Variants in NRG3 observed in about 807,000 individuals in gnomAD.
NRG3 encodes pro-neuregulin-3, membrane-bound isoform.
In NRG3, 31 loss-of-function variants were observed where a neutral mutation model predicts 66.9. The ratio of observed to expected loss-of-function variants is 0.46; its 90% CI spans 0.35 to 0.63. NRG3 has a LOEUF of 0.63. Ranked by LOEUF, NRG3 falls within the 20% of genes least tolerant of loss-of-function variation. The pLI is 0.00. For missense variants in NRG3, 910 were observed against 878.9 expected, an observed-to-expected ratio of 1.04 and a Z score of -0.45; for synonymous variants, 393 against 359.4, an observed-to-expected ratio of 1.09 and a Z score of -1.06.
intron 1 of NRG3, among the ~76,000 whole-genome samples, chr10:82,210,224 C>T (rs1430281421): frequency 2.0e-5 from 3 of 152,206 alleles, no homozygotes; most frequent in Non-Finnish European, 4.4e-5. Flanking sequence ...TTTATGTAGA[C>T]ATTTGAGGCT....
chr10:82,416,694 C>T lies in NRG3; in HGVS notation c.953+57826C>T, dbSNP rs191845769. Among the ~76,000 whole-genome samples the T allele has an allele frequency of 1.9e-3, 296 of 152,172 alleles. 1 individual carries two copies. Among genetic ancestry groups the T allele is most frequent in the Non-Finnish European group, 2.0e-3 (137 of 68,002 alleles). Reference sequence around the variant, plus strand: ...ATATAGCAATACCTCTTATATTCTGCCCCCACCCACCCTGACCATCTCAGT... The same window carrying T: ...ATATAGCAATACCTCTTATATTCTGTCCCCACCCACCCTGACCATCTCAGT... On this transcript the variant is annotated intron_variant, in intron 2 of 8. Coordinates refer to ENST00000372141, the MANE Select transcript of NRG3 (RefSeq NM_001010848.4).
chr10:82,321,301 T>TCGGG (rs1554884193), intron 1 of NRG3, among the ~76,000 whole-genome samples: 1 of 137,950 alleles, frequency 7.2e-6, no homozygotes, highest in African/African-American at 2.9e-5. Flanking sequence ...GTGGCAGGGG[T>TCGGG]GGGGGTGGGG....
intron 2 of NRG3, among the ~76,000 whole-genome samples, chr10:82,639,028 A>G (rs1024209939): frequency 6.6e-6 from 1 of 151,608 alleles, no homozygotes; most frequent in Admixed American, 6.6e-5. Flanking sequence ...ATCCCCTTCA[A>G]CTCTGTCGTT....
intron 2 of NRG3, among the ~76,000 whole-genome samples, chr10:82,685,942 A>G (rs560928118): frequency 1.3e-5 from 2 of 152,276 alleles, no homozygotes; most frequent in South Asian, 4.1e-4. Context: ...AATAACACAC[A>G]TGGAGCTGTC....
intron 1 of NRG3, among the ~76,000 whole-genome samples, chr10:82,199,412 C>A (rs552736775): frequency 1.3e-5 from 2 of 152,160 alleles, no homozygotes; most frequent in Admixed American, 1.3e-4. Context: ...CAAACATGTT[C>A]TGGGAGCTGA....
rs1173107648 is a variant in NRG3 at position 81,875,539 on chromosome 10, C to T, written c.199C>T (p.Leu67=). The T allele has an allele frequency of 3.7e-6, 6 of 1,612,662 alleles. No homozygotes were observed. Among genetic ancestry groups the T allele is most frequent in the Non-Finnish European group, 4.2e-6 (5 of 1,179,784 alleles). ...CIVWNRQQTW[L]CVVPLFIGFI... is the part of the protein sequence containing the mutation. ...CGTGTGGAACCGGCAGCAGACGTGG[C>T]TGTGCGTGGTACCTCTGTTCATCGG... is the stretch of plus-strand genomic sequence containing the variant. The change falls in exon 1 of 9, where the codon CTG becomes TTG. Residue 67 remains leucine (L), a synonymous_variant. Transcript: ENST00000372141. The surrounding 1 kb of genome is among the most constrained non-coding windows in gnomAD (Gnocchi z 5.3).
chr10:82,808,287 A>G (rs2135484709), intron 3 of NRG3, among the ~76,000 whole-genome samples: 1 of 152,124 alleles, frequency 6.6e-6, no homozygotes, highest in East Asian at 1.9e-4. Flanking sequence ...TTATAAATAC[A>G]GTTTCTACTT....
intron 2 of NRG3, among the ~76,000 whole-genome samples, chr10:82,509,796 A>G (rs1055637545): frequency 3.9e-5 from 6 of 152,126 alleles, no homozygotes; most frequent in Non-Finnish European, 5.9e-5. Flanking sequence ...AAAGTGTTCA[A>G]CCTGACCTAT....
intron 2 of NRG3, among the ~76,000 whole-genome samples, chr10:82,390,221 CTCT>C (rs1334000711): frequency 6.6e-6 from 1 of 152,104 alleles, no homozygotes; most frequent in African/African-American, 2.4e-5. Flanking sequence ...AAAAGGCCAT[CTCT>C]GAAATTTTTG....
In NRG3 at chr10:82,442,272, C is replaced by A. The variant is rs76115703; in HGVS notation, c.953+83404C>A. ...ACACGTGAAACAAGATTCCTAGTCC[C>A]AGCATAATGGAGCTTGCGAATGAAA... On this transcript the variant is annotated intron_variant, in intron 2 of 8. Coordinates refer to ENST00000372141, the MANE Select transcript of NRG3 (RefSeq NM_001010848.4). Among the ~76,000 whole-genome samples, 34 of 152,212 alleles carry A rather than the reference C, an allele frequency of 2.2e-4. No individual in the cohort carries two copies. The East Asian group carries it at 6.0e-3, about 27-fold the overall frequency.
At position 82,951,500 on chromosome 10, in the gene NRG3, G is replaced by C; in HGVS notation, c.1086G>C (p.Leu362=). Residue 362 remains leucine, a synonymous_variant, in exon 5 of 9, where the codon CTG becomes CTC. Coordinates refer to ENST00000372141, the MANE Select transcript of NRG3 (RefSeq NM_001010848.4). ...ESEEVYQRQV[L]SISCIIFGIV... is the part of the protein sequence containing the mutation. ...AAGAAGTTTATCAAAGGCAGGTGCT[G>C]TCAATTTCATGTATCATCTTTGGAA... 6.2e-7 allele frequency: 1 copy of C among 1,613,944 alleles called. No individual in the cohort carries two copies. The highest frequency in any genetic ancestry group is 8.5e-7 in the Non-Finnish European group (1 of 1,179,826).
chr10:82,870,976 T>A (rs961692261), intron 4 of NRG3, among the ~76,000 whole-genome samples: 1 of 152,224 alleles, frequency 6.6e-6, no homozygotes, highest in Admixed American at 6.5e-5. Flanking sequence ...TTTAACACTG[T>A]ATCCAAAAAG....
At chr10:82,885,958 G>C (rs1388960595) in intron 4 of NRG3, among the ~76,000 whole-genome samples, 1 of 151,708 alleles carries the variant, frequency 6.6e-6, no homozygotes, top group East Asian at 1.9e-4. Context: ...TGCAATCTCC[G>C]CCTCCCGGGC....
chr10:82,256,271 A>G (rs1048975378), intron 1 of NRG3, among the ~76,000 whole-genome samples: 2 of 152,182 alleles, frequency 1.3e-5, no homozygotes, highest in African/African-American at 4.8e-5. Context: ...AATACTGTGC[A>G]TCATCATCAT....
chr10:82,763,231 T>A (rs992158123), intron 3 of NRG3, among the ~76,000 whole-genome samples: 1 of 152,174 alleles, frequency 6.6e-6, no homozygotes, highest in Non-Finnish European at 1.5e-5. Context: ...TTTGTAATAA[T>A]CACTCAGCAT....
At chr10:82,798,560 T>C (rs1437135652) in intron 3 of NRG3, among the ~76,000 whole-genome samples, 1 of 152,158 alleles carries the variant, frequency 6.6e-6, no homozygotes, top group Non-Finnish European at 1.5e-5. Context: ...TGGGGGTTTA[T>C]TAAGTTTACA....
At chr10:82,603,724 T>C (rs560543289) in intron 2 of NRG3, among the ~76,000 whole-genome samples, 2 of 151,456 alleles carry the variant, frequency 1.3e-5, no homozygotes, top group Non-Finnish European at 3.0e-5. Context: ...TACTTGTTAT[T>C]CATGTGAACT....
intron 2 of NRG3, among the ~76,000 whole-genome samples, chr10:82,364,020 AGTTTACAACTATTTCCTTCTTT>A (rs1300543868): frequency 6.6e-6 from 1 of 152,172 alleles, no homozygotes; most frequent in African/African-American, 2.4e-5. Context: ...AAAGGTTGAT[AGTTTACAACTATTTCCTTCTTT>A]CAACTTGGCA....
At chr10:82,217,407 C>G (rs979511672) in intron 1 of NRG3, among the ~76,000 whole-genome samples, 2 of 152,136 alleles carry the variant, frequency 1.3e-5, no homozygotes, top group Non-Finnish European at 1.5e-5. Context: ...TTCTGAGGCT[C>G]CCTCCCAGAC....
Sources: gnomAD v4.1 joint callset for allele counts (sites outside exome capture counted in the v4.1 genomes callset) on GRCh38, gnomAD v4.1.1 for gene constraint, Gnocchi (gnomAD v3.1) non-coding constraint, MANE v1.5 for transcripts, NCBI Gene and HGNC (gene_info 2026-07-23, HGNC 2026-07-21) for gene names.